PDE10A: variants seen among roughly 807,000 people sequenced by gnomAD.
The protein encoded by PDE10A is phosphodiesterase 10A, also known as cAMP and cAMP-inhibited cGMP 3',5'-cyclic phosphodiesterase 10A.
A neutral mutation model predicts 97.7 loss-of-function variants in PDE10A; 39 were observed. The observed-to-expected ratio is 0.40, with a 90% CI of 0.31 to 0.52. PDE10A has a LOEUF of 0.52. Ranked by LOEUF, PDE10A falls within the 20% of genes least tolerant of loss-of-function variation. The pLI is 0.56. For synonymous variants in PDE10A, 371 were observed against 376.8 expected, an observed-to-expected ratio of 0.98 and a Z score of 0.18; for missense variants, 731 against 1,047.8, an observed-to-expected ratio of 0.70 and a Z score of 4.17.
intron 1 of PDE10A, among the ~76,000 whole-genome samples, chr6:165,935,428 G>A (rs563920513): frequency 5.9e-5 from 9 of 152,276 alleles, no homozygotes; most frequent in Non-Finnish European, 8.8e-5. Context: ...GCCACTAAAG[G>A]ATTTAACCAG....
intron 1 of PDE10A, among the ~76,000 whole-genome samples, chr6:165,744,872 G>C (rs916852409): frequency 6.6e-6 from 1 of 151,480 alleles, no homozygotes; most frequent in African/African-American, 2.4e-5. Flanking sequence ...AAAAAATTCT[G>C]AGTTACTTAT....
At chr6:165,525,606 C>A (rs948388479) in intron 2 of PDE10A, among the ~76,000 whole-genome samples, 4 of 152,144 alleles carry the variant, frequency 2.6e-5, no homozygotes, top group African/African-American at 9.7e-5. Context: ...GCAGCACCTG[C>A]ATCTTTGAAG....
chr6:165,924,449 T>A (rs141087457), intron 1 of PDE10A, among the ~76,000 whole-genome samples: 2 of 152,158 alleles, frequency 1.3e-5, no homozygotes, highest in Non-Finnish European at 2.9e-5. Context: ...GTGGTACAAT[T>A]CATGGTGTCC....
At chr6:165,951,737 T>C (rs1465794800) in intron 1 of PDE10A, among the ~76,000 whole-genome samples, 1 of 152,138 alleles carries the variant, frequency 6.6e-6, no homozygotes, top group African/African-American at 2.4e-5. Flanking sequence ...TTTAGGCTCC[T>C]CTCCCACTGC....
chr6:165,363,374 G>A (rs928716085), intron 18 of PDE10A, among the ~76,000 whole-genome samples: 2 of 152,074 alleles, frequency 1.3e-5, no homozygotes, highest in African/African-American at 4.8e-5. Flanking sequence ...AAATAGCCAG[G>A]CATGGTGGCA....
At chr6:165,542,442 T>G (rs115144967) in intron 2 of PDE10A, among the ~76,000 whole-genome samples, 3,549 of 149,550 alleles carry the variant, frequency 0.024, 58 homozygotes, top group Non-Finnish European at 0.026. Context: ...ATACACGTGT[T>G]TCAGAGACTA....
chr6:165,430,365 G>A lies in PDE10A; in HGVS notation c.1543-20C>T. Reference sequence around the variant, plus strand: ...GCATACCTACCATATAAAATAATAGGTACAATTACAAGAGATTTCTGCTTA... The same window carrying A: ...GCATACCTACCATATAAAATAATAGATACAATTACAAGAGATTTCTGCTTA... On this transcript the variant is annotated intron_variant, in intron 8 of 21. Coordinates refer to ENST00000539869, the MANE Select transcript of PDE10A (RefSeq NM_001385079.1). The A allele has an allele frequency of 1.3e-6, 2 of 1,486,194 alleles. No individual in the cohort carries two copies. Among genetic ancestry groups the A allele is most frequent in the East Asian group, 2.3e-5 (1 of 44,002 alleles). The allele number at this position is 1,486,194 out of a possible 1,614,324, so 92.1% of individuals were successfully genotyped here. A position where few individuals can be genotyped will look rare whatever the true frequency, so the allele number is the denominator to read the frequency against.
At chr6:165,518,488 C>T (rs1781946741) in intron 2 of PDE10A, among the ~76,000 whole-genome samples, 1 of 152,176 alleles carries the variant, frequency 6.6e-6, no homozygotes, top group African/African-American at 2.4e-5. Context: ...ATGCTCCTGA[C>T]CCTTTAGTCA....
intron 1 of PDE10A, among the ~76,000 whole-genome samples, chr6:165,676,717 C>T (rs1790806185): frequency 6.6e-6 from 1 of 151,522 alleles, no homozygotes; most frequent in Non-Finnish European, 1.5e-5. Context: ...AAATGGGAAA[C>T]ATCAGTGACT....
chr6:165,918,591 C>A (rs1463883596), intron 1 of PDE10A, among the ~76,000 whole-genome samples: 6 of 152,172 alleles, frequency 3.9e-5, no homozygotes, highest in African/African-American at 1.4e-4. Flanking sequence ...TAAGTTATTG[C>A]CTTTTAAAAA....
At chr6:165,843,165 C>G (rs376361354) in intron 1 of PDE10A, among the ~76,000 whole-genome samples, 1 of 152,186 alleles carries the variant, frequency 6.6e-6, no homozygotes, top group Non-Finnish European at 1.5e-5. Context: ...TCCCAGGTCC[C>G]GTCTAAGGCT....
At chr6:165,900,845 A>G (rs1782085101) in intron 1 of PDE10A, among the ~76,000 whole-genome samples, 1 of 152,206 alleles carries the variant, frequency 6.6e-6, no homozygotes, top group Non-Finnish European at 1.5e-5. Context: ...CACTGTGACA[A>G]TTACACAGCA....
At chr6:165,483,220 T>A (rs1033968757) in intron 2 of PDE10A, among the ~76,000 whole-genome samples, 1 of 152,196 alleles carries the variant, frequency 6.6e-6, no homozygotes, top group African/African-American at 2.4e-5. Flanking sequence ...GGTTCCTGTG[T>A]CTTCTTGAGC....
chr6:165,689,879 A>G (rs141801944), intron 1 of PDE10A, among the ~76,000 whole-genome samples: 1 of 152,312 alleles, frequency 6.6e-6, no homozygotes, highest in African/African-American at 2.4e-5. Flanking sequence ...TCATACCCTG[A>G]TGCAATGTCC....
At position 165,607,096 on chromosome 6, in the gene PDE10A, C is replaced by T. The variant is rs533794276; in HGVS notation, c.865+54851G>A. ...TTTCGTTAAAAATGCTTTCAGAATA[C>T]TTATTTCACTTTTTAAAAGAACGTA... is the stretch of plus-strand genomic sequence containing the variant. On this transcript the variant is annotated intron_variant, in intron 1 of 21. Transcript: ENST00000539869. Among the ~76,000 whole-genome samples the T allele has an allele frequency of 6.0e-4, 92 of 152,262 alleles. 2 individuals carry two copies. The highest frequency in any genetic ancestry group is 6.0e-3 in the Admixed American group (92 of 15,302).
At chr6:165,444,651 T>G (rs1474062902) in intron 5 of PDE10A, among the ~76,000 whole-genome samples, 1 of 152,042 alleles carries the variant, frequency 6.6e-6, no homozygotes, top group African/African-American at 2.4e-5. Flanking sequence ...ATATTTTATG[T>G]TTTAATTTTA....
chr6:165,917,911 C>T (rs1324580189), intron 1 of PDE10A, among the ~76,000 whole-genome samples: 1 of 152,220 alleles, frequency 6.6e-6, no homozygotes, highest in Non-Finnish European at 1.5e-5. Context: ...GGCCCAGACC[C>T]CCTGTTCCTC....
At chr6:165,871,428 G>C (rs138358169) in intron 1 of PDE10A, among the ~76,000 whole-genome samples, 40 of 152,278 alleles carry the variant, frequency 2.6e-4, no homozygotes, top group Admixed American at 7.2e-4. Context: ...CAGCACTCCC[G>C]ATGTGACCTG....
chr6:165,867,421 A>G (rs78608162), intron 1 of PDE10A, among the ~76,000 whole-genome samples: 8,541 of 152,068 alleles, frequency 0.056, 280 homozygotes, highest in Middle Eastern at 0.085. Flanking sequence ...CAAAACAAAA[A>G]AAGACACAAA....
Sources: gnomAD v4.1 joint callset for allele counts (sites outside exome capture counted in the v4.1 genomes callset) on GRCh38, gnomAD v4.1.1 for gene constraint, MANE v1.5 for transcripts, NCBI Gene and HGNC (gene_info 2026-07-23, HGNC 2026-07-21) for gene names.